The following ADAM20 variants were observed in gnomAD, a reference collection of about 807,000 sequenced individuals.
ADAM20 encodes ADAM metallopeptidase domain 20, also known as disintegrin and metalloproteinase domain-containing protein 20.
For synonymous variants in ADAM20, 305 were observed against 310.2 expected (o/e 0.98, Z 0.18); for missense variants, 871 against 883.2 (o/e 0.99, Z 0.18).
upstream of ADAM20, among the ~76,000 whole-genome samples, chr14:70,537,795 T>A (rs373822348): frequency 1.3e-5 from 2 of 152,114 alleles, no homozygotes; most frequent in Non-Finnish European, 2.9e-5. Context: ...CTGGACCCAA[T>A]ACAAATTAAA....
Position 70,523,268 on chromosome 14 carries a change from C to A in ADAM20, c.1490G>T (p.Cys497Phe). 6.2e-7 allele frequency: 1 copy of A among 1,614,002 alleles called. No homozygotes were observed. The highest frequency in any genetic ancestry group is 8.5e-7 in the Non-Finnish European group (1 of 1,179,946). The change falls in exon 2 of 2, where the codon TGT (cysteine) becomes TTT (phenylalanine). Residue 497 changes from cysteine to phenylalanine, a missense_variant. By Grantham distance (205) the Cys-to-Phe change is radical. Coordinates refer to ENST00000256389, the MANE Select transcript of ADAM20 (RefSeq NM_003814.5). ...TTCATAGCAGAAGGCATTCACATTA[C>A]AGGAGATCCCGTCCTGCACATACAC... ...DDVYVQDGIS[C>F]NVNAFCYEKT...
chr14:70,523,080 T>C lies in ADAM20; in HGVS notation c.1678A>G (p.Met560Val). 1 of 1,613,962 alleles carries C rather than the reference T, an allele frequency of 6.2e-7. No individual in the cohort carries two copies. The highest frequency in any genetic ancestry group is 8.5e-7 in the Non-Finnish European group (1 of 1,179,928). ...TTTTCACACTGAACCCTCCCACACATGATATCAGGGGTCCAACATTTTACA... is the reference window on the plus strand; with the variant it reads ...TTTTCACACTGAACCCTCCCACACACGATATCAGGGGTCCAACATTTTACA... ...TYVKCWTPDI[M>V]CGRVQCENVG... The change falls in exon 2 of 2, where the codon ATG becomes GTG. Residue 560 changes from methionine (M) to valine (V), a missense_variant. By Grantham distance (21) the Met-to-Val change is conservative. Transcript: ENST00000256389.
chr14:70,574,514 C>T, the ADAM20 span, among the ~76,000 whole-genome samples: 1 of 151,912 alleles, frequency 6.6e-6, no homozygotes, highest in Non-Finnish European at 1.5e-5. Context: ...GTGGCGGGTG[C>T]GTGTAGTCCC....
At chr14:70,575,595 AAAC>A in the ADAM20 span, among the ~76,000 whole-genome samples, 1 of 152,216 alleles carries the variant, frequency 6.6e-6, no homozygotes, top group African/African-American at 2.4e-5. Context: ...TATACAAACT[AAAC>A]AAGACATATA....
At position 70,523,910 on chromosome 14, in the gene ADAM20, T is replaced by C. The variant is rs1414513594; in HGVS notation, c.848A>G (p.Lys283Arg). 7 of 1,613,998 alleles carry C rather than the reference T, an allele frequency of 4.3e-6. No homozygotes were observed. The highest frequency in any genetic ancestry group is 5.1e-6 in the Non-Finnish European group (6 of 1,179,940). The change falls in exon 2 of 2, where the codon AAG becomes AGG. Residue 283 changes from lysine (K) to arginine (R), a missense_variant. Transcript: ENST00000256389. ...TAGTCGATTATTAAGGTTATAATTC[T>C]TCCAAATAGAAAAGTCCTCTAAAAC... The part of the protein sequence containing the change: ...DNVLEDFSIW[K>R]NYNLNNRLQH...
chr14:70,577,896 A>T, the ADAM20 span, among the ~76,000 whole-genome samples: 2 of 152,180 alleles, frequency 1.3e-5, no homozygotes, highest in Non-Finnish European at 2.9e-5. Flanking sequence ...GGATCAAAGA[A>T]CTAAATGTAA....
the ADAM20 span, among the ~76,000 whole-genome samples, chr14:70,543,887 C>A: frequency 6.6e-6 from 1 of 152,172 alleles, no homozygotes; most frequent in East Asian, 1.9e-4. Context: ...CCATCTTGGA[C>A]AAGCACTGCC....
At chr14:70,545,233 C>G in the ADAM20 span, among the ~76,000 whole-genome samples, 1 of 152,138 alleles carries the variant, frequency 6.6e-6, no homozygotes, top group Non-Finnish European at 1.5e-5. Flanking sequence ...ATTCACAGTG[C>G]CCCGTTTTGA....
At chr14:70,558,506 G>A in the ADAM20 span, among the ~76,000 whole-genome samples, 1 of 151,746 alleles carries the variant, frequency 6.6e-6, no homozygotes, top group East Asian at 1.9e-4. Context: ...TGTGTGTGTG[G>A]TGCCAAGTAC....
the ADAM20 span, among the ~76,000 whole-genome samples, chr14:70,575,733 A>G: frequency 3.3e-5 from 5 of 152,352 alleles, no homozygotes; most frequent in Admixed American, 6.5e-5. Flanking sequence ...TGAGATATAC[A>G]TAAGTAACTA....
At chr14:70,525,851 T>C (rs566104069) in intron 1 of ADAM20, among the ~76,000 whole-genome samples, 10 of 152,262 alleles carry the variant, frequency 6.6e-5, no homozygotes, top group African/African-American at 2.4e-4. Context: ...GGAAGGCATG[T>C]GATAGGGTAA....
chr14:70,530,742 T>C (rs530858386), intron 1 of ADAM20, among the ~76,000 whole-genome samples: 5 of 152,090 alleles, frequency 3.3e-5, no homozygotes, highest in Non-Finnish European at 7.4e-5. Context: ...ACACCAACCA[T>C]TGGGTCAAAG....
At chr14:70,555,282 A>C in the ADAM20 span, among the ~76,000 whole-genome samples, 1 of 152,222 alleles carries the variant, frequency 6.6e-6, no homozygotes, top group South Asian at 2.1e-4. Context: ...AAAAAAAGAA[A>C]AGAAATGAAA....
At chr14:70,566,440 A>G in the ADAM20 span, among the ~76,000 whole-genome samples, 1 of 152,162 alleles carries the variant, frequency 6.6e-6, no homozygotes, top group African/African-American at 2.4e-5. Flanking sequence ...TACACAAAAG[A>G]GAAAGAGAAA....
At chr14:70,556,602 T>G in the ADAM20 span, 1 of 152,228 alleles carries the variant, frequency 6.6e-6, no homozygotes, top group Non-Finnish European at 1.5e-5. Context: ...TGAAATTGGC[T>G]TAACAAAAGA....
the ADAM20 span, among the ~76,000 whole-genome samples, chr14:70,564,736 ATTTTTTTT>A: frequency 3.3e-5 from 3 of 91,872 alleles, no homozygotes; most frequent in East Asian, 3.0e-4. Flanking sequence ...GATAGACGCA[ATTTTTTTT>A]TTTTTTTTTT....
At chr14:70,564,155 C>T in the ADAM20 span, among the ~76,000 whole-genome samples, 1 of 152,242 alleles carries the variant, frequency 6.6e-6, no homozygotes, top group African/African-American at 2.4e-5. Flanking sequence ...GAGCCTGAGA[C>T]AACTAGGAGC....
At chr14:70,574,729 T>C in the ADAM20 span, among the ~76,000 whole-genome samples, 1 of 151,524 alleles carries the variant, frequency 6.6e-6, no homozygotes, top group African/African-American at 2.4e-5. Flanking sequence ...CGAAGCCTGG[T>C]GTTAGCAAAA....
intron 1 of ADAM20, among the ~76,000 whole-genome samples, chr14:70,531,184 A>G (rs973232438): frequency 3.9e-5 from 6 of 152,194 alleles, no homozygotes; most frequent in African/African-American, 1.4e-4. Context: ...AGAAATTACT[A>G]TGATACAAGG....
Sources: gnomAD v4.1 joint callset for allele counts (sites outside exome capture counted in the v4.1 genomes callset) on GRCh38, gnomAD v4.1.1 for gene constraint, MANE v1.5 for transcripts, NCBI Gene and HGNC (gene_info 2026-07-23, HGNC 2026-07-21) for gene names.